Variants in DIAPH3 observed in about 807,000 individuals in gnomAD.
The protein encoded by DIAPH3 is diaphanous related formin 3.
DIAPH3 carries 117 observed loss-of-function variants against 144.3 expected under a neutral mutation model. That is an observed-to-expected ratio of 0.81 (90% CI 0.70 to 0.95). The LOEUF (loss-of-function observed/expected upper bound fraction) is 0.95. DIAPH3 is among the 40% of genes least tolerant of loss of function. The pLI, the probability that DIAPH3 is intolerant of heterozygous loss-of-function variation, is 0.00. For synonymous variants in DIAPH3, 519 were observed against 488.9 expected (o/e 1.06, Z -0.81); for missense variants, 1,421 against 1,412.7 (o/e 1.01, Z -0.09).
intron 20 of DIAPH3, among the ~76,000 whole-genome samples, chr13:59,904,286 C>T (rs1593913968): frequency 6.6e-6 from 1 of 152,186 alleles, no homozygotes; most frequent in East Asian, 1.9e-4. Context: ...ACAGATGAGC[C>T]TGAGGAAACA....
In DIAPH3 at chr13:60,093,630, T is replaced by C; in HGVS notation, c.493A>G (p.Thr165Ala). 6.3e-7 allele frequency: 1 copy of C among 1,596,560 alleles called. No individual in the cohort carries two copies. The highest frequency in any genetic ancestry group is 8.6e-7 in the Non-Finnish European group (1 of 1,165,416). The part of the protein sequence containing the change: ...VMQYINTASK[T>A]GSLKRSRQIS... ...TTCAACTTGACAGTTTTACTTACTG[T>C]CTTAGAAGCAGTATTAATGTACTGC... is the stretch of plus-strand genomic sequence containing the variant. The change falls in exon 4 of 28, where the codon ACA becomes GCA. Residue 165 changes from threonine to alanine, a missense_variant and splice_region_variant. Coordinates refer to ENST00000400324, the MANE Select transcript of DIAPH3 (RefSeq NM_001042517.2).
chr13:59,695,899 C>T (rs1376657883), intron 27 of DIAPH3: 1 of 152,038 alleles, frequency 6.6e-6, no homozygotes, highest in Non-Finnish European at 1.5e-5. Context: ...TAAAAGAGGT[C>T]TTTAAAAAAT....
At chr13:60,039,558 C>T (rs971229501) in intron 5 of DIAPH3, among the ~76,000 whole-genome samples, 1 of 152,150 alleles carries the variant, frequency 6.6e-6, no homozygotes, top group Admixed American at 6.6e-5. Context: ...CTCGTCTCAG[C>T]CTCCCAAAGT....
intron 25 of DIAPH3, among the ~76,000 whole-genome samples, chr13:59,779,103 C>T (rs183261965): frequency 5.3e-5 from 8 of 152,278 alleles, no homozygotes; most frequent in African/African-American, 1.9e-4. Flanking sequence ...TTCTTTCTCT[C>T]GTCCATCACT....
chr13:60,152,398 G>C (rs894859787), intron 1 of DIAPH3, among the ~76,000 whole-genome samples: 1 of 151,590 alleles, frequency 6.6e-6, no homozygotes, highest in African/African-American at 2.4e-5. Context: ...TTCCTTTCCA[G>C]TATTTAAGAT....
At chr13:60,159,419 A>G (rs903077494) in intron 1 of DIAPH3, among the ~76,000 whole-genome samples, 3 of 152,020 alleles carry the variant, frequency 2.0e-5, no homozygotes, top group African/African-American at 7.2e-5. Flanking sequence ...TGAGGTCAGG[A>G]GTTCAAGACC....
intron 1 of DIAPH3, among the ~76,000 whole-genome samples, chr13:60,144,543 C>T (rs1003062783): frequency 2.0e-5 from 3 of 152,176 alleles, no homozygotes; most frequent in African/African-American, 7.2e-5. Flanking sequence ...CAGCTAAACA[C>T]AAGGCAGAAT....
intron 24 of DIAPH3, among the ~76,000 whole-genome samples, chr13:59,825,129 T>C (rs1325056490): frequency 6.6e-6 from 1 of 152,104 alleles, no homozygotes; most frequent in Non-Finnish European, 1.5e-5. Context: ...GCTGGTGTGC[T>C]GCACCCATTA....
intron 27 of DIAPH3, among the ~76,000 whole-genome samples, chr13:59,694,309 C>T (rs1328715014): frequency 6.6e-6 from 1 of 151,956 alleles, no homozygotes; most frequent in African/African-American, 2.4e-5. Context: ...GGGTTTATTC[C>T]GAGAATAAGT....
At chr13:60,028,196 C>A (rs1372012729) in intron 5 of DIAPH3, among the ~76,000 whole-genome samples, 2 of 152,092 alleles carry the variant, frequency 1.3e-5, no homozygotes, top group Non-Finnish European at 2.9e-5. Flanking sequence ...AAGTTAGTTC[C>A]CATTTCTCTC....
intron 3 of DIAPH3, among the ~76,000 whole-genome samples, chr13:60,101,826 C>G (rs1408656786): frequency 1.3e-5 from 2 of 152,178 alleles, no homozygotes; most frequent in Admixed American, 6.5e-5. Flanking sequence ...CCCAAACCAT[C>G]TTTTTCTTGG....
At chr13:59,929,162 G>A (rs1410174123) in intron 17 of DIAPH3, among the ~76,000 whole-genome samples, 4 of 152,124 alleles carry the variant, frequency 2.6e-5, no homozygotes, top group African/African-American at 4.8e-5. Context: ...TGCTCAACCC[G>A]TAAGTATTAT....
chr13:59,706,636 C>T (rs79635522), intron 27 of DIAPH3, among the ~76,000 whole-genome samples: 3,202 of 152,242 alleles, frequency 0.021, 81 homozygotes, highest in East Asian at 0.12. Flanking sequence ...TGATAAGACA[C>T]TTTAAAGTGT....
intron 27 of DIAPH3, among the ~76,000 whole-genome samples, chr13:59,755,038 A>G (rs2037187442): frequency 6.6e-6 from 1 of 152,210 alleles, no homozygotes; most frequent in Non-Finnish European, 1.5e-5. Context: ...TTACAGACCT[A>G]TGAACTATAC....
chr13:59,789,720 A>G (rs1040311111), intron 25 of DIAPH3, among the ~76,000 whole-genome samples: 1 of 152,134 alleles, frequency 6.6e-6, no homozygotes, highest in Non-Finnish European at 1.5e-5. Context: ...CACTGGAAGA[A>G]GGGGAAAATA....
intron 22 of DIAPH3, among the ~76,000 whole-genome samples, chr13:59,842,092 CA>C (rs1357158547): frequency 1.3e-5 from 2 of 152,094 alleles, no homozygotes; most frequent in African/African-American, 4.8e-5. Flanking sequence ...GTTTCTTGTA[CA>C]TTCTTGCCCA....
intron 9 of DIAPH3, among the ~76,000 whole-genome samples, chr13:60,001,528 A>T (rs1457868500): frequency 6.6e-6 from 1 of 152,202 alleles, no homozygotes; most frequent in African/African-American, 2.4e-5. Context: ...AGCCACCTGG[A>T]AGCCAAGTTG....
intron 25 of DIAPH3, among the ~76,000 whole-genome samples, chr13:59,797,456 T>A (rs2039673526): frequency 6.6e-6 from 1 of 152,258 alleles, no homozygotes; most frequent in African/African-American, 2.4e-5. Flanking sequence ...TGCCCATTTT[T>A]ATAATTTCTT....
At chr13:59,671,063 C>A (rs920435664) in intron 27 of DIAPH3, among the ~76,000 whole-genome samples, 1 of 152,184 alleles carries the variant, frequency 6.6e-6, no homozygotes, top group African/African-American at 2.4e-5. Context: ...CTTTTGTTAT[C>A]ACCATTATTT....
Sources: allele counts gnomAD v4.1 joint callset (sites outside exome capture counted in the v4.1 genomes callset), GRCh38; gene constraint gnomAD v4.1.1; transcripts MANE v1.5; gene names NCBI Gene and HGNC (gene_info 2026-07-23, HGNC 2026-07-21).